Variants in ATRNL1 observed in about 807,000 individuals in gnomAD.
ATRNL1 encodes attractin like 1.
In ATRNL1, 95 loss-of-function variants were observed where a neutral mutation model predicts 182.7. The ratio of observed to expected loss-of-function variants is 0.52; its 90% CI spans 0.44 to 0.62. The LOEUF (loss-of-function observed/expected upper bound fraction) is 0.62, where lower values mean the gene tolerates loss of function less well. Ranked by LOEUF, ATRNL1 falls within the 20% of genes least tolerant of loss-of-function variation. ATRNL1 has a pLI of 0.00. For missense variants in ATRNL1, 1,471 were observed against 1,679.5 expected (o/e 0.88, Z 2.17); for synonymous variants, 576 against 568.3 (o/e 1.01, Z -0.19).
intron 26 of ATRNL1, among the ~76,000 whole-genome samples, chr10:115,574,302 A>G (rs1158370075): frequency 6.6e-6 from 1 of 150,882 alleles, no homozygotes. Flanking sequence ...AGATATATAT[A>G]TCTACATATG....
intron 8 of ATRNL1, among the ~76,000 whole-genome samples, chr10:115,213,705 C>A (rs1013055202): frequency 1.3e-5 from 2 of 152,062 alleles, no homozygotes; most frequent in African/African-American, 2.4e-5. Flanking sequence ...TTCAATTTTT[C>A]TAGCTTTGAA....
At chr10:115,589,495 A>G (rs894758353) in intron 26 of ATRNL1, among the ~76,000 whole-genome samples, 4 of 152,160 alleles carry the variant, frequency 2.6e-5, no homozygotes, top group Non-Finnish European at 4.4e-5. Flanking sequence ...TTCCTTTGAC[A>G]GTAATTGTAT....
chr10:115,504,553 T>C (rs781800479), intron 24 of ATRNL1, among the ~76,000 whole-genome samples: 2 of 152,074 alleles, frequency 1.3e-5, no homozygotes, highest in Non-Finnish European at 2.9e-5. Flanking sequence ...GGGCTGGGTT[T>C]AAAGTTTATA....
At chr10:115,095,879 C>G (rs2084999545) in intron 1 of ATRNL1, among the ~76,000 whole-genome samples, 1 of 151,982 alleles carries the variant, frequency 6.6e-6, no homozygotes, top group African/African-American at 2.4e-5. Context: ...GGGATATTGG[C>G]TTTTGTGTGG....
chr10:115,418,748 T>C (rs1361201953), intron 20 of ATRNL1, among the ~76,000 whole-genome samples: 1 of 152,164 alleles, frequency 6.6e-6, no homozygotes, highest in East Asian at 1.9e-4. Flanking sequence ...ACTGGCAGCA[T>C]ATTTCTCAGC....
rs1946135195 is a variant in ATRNL1, at chr10:115,683,921, G to C, written c.3796-43327G>C. 3.3e-5 allele frequency among the ~76,000 whole-genome samples: 5 copies of C among 151,578 alleles called. No individual in the cohort carries two copies. In the South Asian group the frequency reaches 1.0e-3, roughly 32 times the overall value. ...GAGACATAGCAAATAAATAAGCTCT[G>C]CCTAAGAAAATTTTCATTGACCTGT... On this transcript the variant is annotated intron_variant, in intron 26 of 28. Transcript: ENST00000355044.
At chr10:115,820,350 T>G (rs1393602005) in intron 27 of ATRNL1, 3 of 152,136 alleles carry the variant, frequency 2.0e-5, no homozygotes, top group African/African-American at 7.2e-5. Flanking sequence ...TGTGCGTATC[T>G]CCAGCTTTAC....
intron 28 of ATRNL1, among the ~76,000 whole-genome samples, chr10:115,875,130 T>C (rs1376482595): frequency 6.6e-6 from 1 of 152,238 alleles, no homozygotes. Context: ...TTAAATTGAC[T>C]AATCATTTAT....
At chr10:115,522,812 A>G (rs781902970) in intron 25 of ATRNL1, among the ~76,000 whole-genome samples, 1 of 152,192 alleles carries the variant, frequency 6.6e-6, no homozygotes, top group Non-Finnish European at 1.5e-5. Context: ...TCATTCCAAA[A>G]GGGAGAAACT....
chr10:115,599,906 T>A (rs1856497375), intron 26 of ATRNL1, among the ~76,000 whole-genome samples: 1 of 152,164 alleles, frequency 6.6e-6, no homozygotes, highest in Non-Finnish European at 1.5e-5. Flanking sequence ...TGTATCCAGT[T>A]AACCACCAAC....
chr10:115,740,311 TTA>T (rs1180171756), intron 27 of ATRNL1, among the ~76,000 whole-genome samples: 3 of 152,194 alleles, frequency 2.0e-5, no homozygotes, highest in African/African-American at 7.2e-5. Context: ...GTTTATATTA[TTA>T]TATGTCTTTT....
intron 24 of ATRNL1, among the ~76,000 whole-genome samples, chr10:115,504,493 G>A (rs1576151): frequency 0.71 from 107,750 of 151,888 alleles, 39,459 homozygotes; most frequent in African/African-American, 0.82. Flanking sequence ...TTAAACTCAT[G>A]TTAATGTCTT....
chr10:115,543,353 G>T (rs1852469109), intron 25 of ATRNL1, among the ~76,000 whole-genome samples: 1 of 151,896 alleles, frequency 6.6e-6, no homozygotes, highest in South Asian at 2.1e-4. Flanking sequence ...TTTTAAGTTA[G>T]AAGTGTATTC....
intron 26 of ATRNL1, among the ~76,000 whole-genome samples, chr10:115,629,923 G>A (rs570506967): frequency 2.6e-5 from 4 of 152,230 alleles, no homozygotes; most frequent in African/African-American, 9.6e-5. Context: ...TAAAGAACAA[G>A]TAGTAGTTAG....
At chr10:115,441,635 TCTGA>T (rs1427782384) in intron 21 of ATRNL1, among the ~76,000 whole-genome samples, 11 of 152,020 alleles carry the variant, frequency 7.2e-5, no homozygotes, top group African/African-American at 2.7e-4. Flanking sequence ...AACTGATTTC[TCTGA>T]CTTTCTGTTT....
At chr10:115,767,283 C>T (rs1393095909) in intron 27 of ATRNL1, among the ~76,000 whole-genome samples, 1 of 152,126 alleles carries the variant, frequency 6.6e-6, no homozygotes, top group Non-Finnish European at 1.5e-5. Context: ...ATTTATTCAG[C>T]ATTCATTAAA....
At chr10:115,885,919 T>C (rs1951934109) in intron 28 of ATRNL1, among the ~76,000 whole-genome samples, 3 of 152,188 alleles carry the variant, frequency 2.0e-5, no homozygotes, top group Admixed American at 2.0e-4. Flanking sequence ...CTAAAAGAAG[T>C]TTTAAATGTT....
chr10:115,326,443 C>G (rs1245522375), intron 18 of ATRNL1, among the ~76,000 whole-genome samples: 1 of 152,122 alleles, frequency 6.6e-6, no homozygotes, highest in Non-Finnish European at 1.5e-5. Context: ...AGGATACAAA[C>G]AAATGGAAGA....
At chr10:115,644,270 T>A (rs183230999) in intron 26 of ATRNL1, among the ~76,000 whole-genome samples, 11 of 152,292 alleles carry the variant, frequency 7.2e-5, no homozygotes, top group Admixed American at 3.3e-4. Flanking sequence ...GCTTGTTTTG[T>A]GTTACAGAAA....
Sources: allele counts gnomAD v4.1 joint callset (sites outside exome capture counted in the v4.1 genomes callset), GRCh38; gene constraint gnomAD v4.1.1; transcripts MANE v1.5; gene names NCBI Gene and HGNC (gene_info 2026-07-23, HGNC 2026-07-21).